Variants in EIPR1 observed in about 807,000 individuals in gnomAD.
EIPR1 encodes the protein EARP and GARP complex-interacting protein 1.
Under a neutral mutation model 48.1 loss-of-function variants are expected in EIPR1, and 25 were observed. That is an observed-to-expected ratio of 0.52 (90% CI 0.38 to 0.73). The LOEUF is 0.73. Ranked by LOEUF, EIPR1 falls within the 30% of genes least tolerant of loss-of-function variation. The pLI is 0.00. For synonymous variants in EIPR1, 204 were observed against 201.9 expected (o/e 1.01, Z -0.09); for missense variants, 415 against 506.2 (o/e 0.82, Z 1.73).
intron 3 of EIPR1, among the ~76,000 whole-genome samples, chr2:3,294,593 C>T (rs369692446): frequency 7.1e-6 from 1 of 139,924 alleles, no homozygotes; most frequent in African/African-American, 2.7e-5. Context: ...ACACATACAC[C>T]CTCCATCCAG....
intron 1 of EIPR1, among the ~76,000 whole-genome samples, chr2:3,375,102 T>A (rs1659827520): frequency 6.6e-6 from 1 of 151,154 alleles, no homozygotes; most frequent in Non-Finnish European, 1.5e-5. Context: ...AAATTGGAAA[T>A]CATCATTCTC....
At chr2:3,254,370 T>C (rs938959032) in intron 4 of EIPR1, among the ~76,000 whole-genome samples, 3 of 152,180 alleles carry the variant, frequency 2.0e-5, no homozygotes, top group African/African-American at 2.4e-5. Flanking sequence ...CAAAAACCTG[T>C]TCATTAATAC....
At chr2:3,369,607 C>A (rs972606919) in intron 1 of EIPR1, among the ~76,000 whole-genome samples, 5 of 152,248 alleles carry the variant, frequency 3.3e-5, no homozygotes, top group African/African-American at 1.2e-4. Flanking sequence ...TCGGAGGGTC[C>A]TATGCCCACG....
chr2:3,297,639 CCA>C (rs1208496550), intron 3 of EIPR1, among the ~76,000 whole-genome samples: 3 of 152,196 alleles, frequency 2.0e-5, no homozygotes, highest in Non-Finnish European at 2.9e-5. Context: ...GCTTTGCAGG[CCA>C]CACAGTCTTT....
chr2:3,233,521 A>T (rs1047838507), intron 4 of EIPR1, among the ~76,000 whole-genome samples: 1 of 152,192 alleles, frequency 6.6e-6, no homozygotes, highest in African/African-American at 2.4e-5. Flanking sequence ...ATTCTCAGGG[A>T]CACTGGATCC....
chr2:3,365,538 G>A (rs1670951564), intron 1 of EIPR1, among the ~76,000 whole-genome samples: 1 of 150,760 alleles, frequency 6.6e-6, no homozygotes, highest in Non-Finnish European at 1.5e-5. Context: ...TCGCAGAGGG[G>A]GATTTGGCAG....
chr2:3,288,986 C>T (rs563650946), intron 3 of EIPR1, among the ~76,000 whole-genome samples: 16 of 152,354 alleles, frequency 1.1e-4, no homozygotes, highest in African/African-American at 3.8e-4. Flanking sequence ...AGTGCCTGCA[C>T]GGCCGTATCT....
At chr2:3,284,659 C>T (rs1344465330) in intron 3 of EIPR1, among the ~76,000 whole-genome samples, 3 of 152,236 alleles carry the variant, frequency 2.0e-5, no homozygotes, top group African/African-American at 7.2e-5. Flanking sequence ...TGAGAAAAGT[C>T]AGGGGCAGAG....
chr2:3,194,679 T>A (rs1396063910), intron 6 of EIPR1, among the ~76,000 whole-genome samples: 1 of 118,440 alleles, frequency 8.4e-6, no homozygotes, highest in African/African-American at 3.5e-5. Flanking sequence ...ACTATATATA[T>A]ACAGAGAGAG....
intron 4 of EIPR1, among the ~76,000 whole-genome samples, chr2:3,217,612 T>C (rs1454810870): frequency 6.6e-6 from 1 of 152,306 alleles, no homozygotes; most frequent in East Asian, 1.9e-4. Context: ...TAGAAAGAGA[T>C]GTTCGTCACA....
At chr2:3,270,028 T>A (rs992241085) in intron 3 of EIPR1, among the ~76,000 whole-genome samples, 1 of 152,182 alleles carries the variant, frequency 6.6e-6, no homozygotes, top group Non-Finnish European at 1.5e-5. Flanking sequence ...TAAGGAGAAA[T>A]CATACCAGGA....
intron 3 of EIPR1, among the ~76,000 whole-genome samples, chr2:3,332,133 C>G (rs1205019807): frequency 6.6e-6 from 1 of 152,132 alleles, no homozygotes; most frequent in Non-Finnish European, 1.5e-5. Flanking sequence ...ACGTGGTGTA[C>G]CCTAATTCAG....
chr2:3,343,915 A>C (rs1286535254), intron 2 of EIPR1, among the ~76,000 whole-genome samples: 1 of 152,178 alleles, frequency 6.6e-6, no homozygotes, highest in Non-Finnish European at 1.5e-5. Context: ...AAAAAACAAA[A>C]AAAGGGCCAG....
intron 3 of EIPR1, among the ~76,000 whole-genome samples, chr2:3,269,560 AGTC>A (rs1425310703): frequency 2.0e-4 from 21 of 106,482 alleles, no homozygotes; most frequent in South Asian, 1.6e-3. Context: ...CATCGCACTC[AGTC>A]ATCGCACTCA....
intron 3 of EIPR1, among the ~76,000 whole-genome samples, chr2:3,297,693 CAGAAATA>C (rs1390978774): frequency 6.6e-6 from 1 of 152,228 alleles, no homozygotes; most frequent in Non-Finnish European, 1.5e-5. Flanking sequence ...ACAGACATTA[CAGAAATA>C]AGCGAGTGTG....
chr2:3,223,662 G>C (rs775543833), intron 4 of EIPR1, among the ~76,000 whole-genome samples: 3 of 152,222 alleles, frequency 2.0e-5, no homozygotes, highest in Admixed American at 6.5e-5. Flanking sequence ...CTTTGCTTGT[G>C]AATCAATTCA....
At chr2:3,342,794 A>C (rs1210137392) in intron 2 of EIPR1, among the ~76,000 whole-genome samples, 2 of 152,200 alleles carry the variant, frequency 1.3e-5, no homozygotes, top group Non-Finnish European at 2.9e-5. Context: ...AATGGTCTTT[A>C]ACCTTCATTG....
At chr2:3,218,424 T>C (rs1665726625) in intron 4 of EIPR1, among the ~76,000 whole-genome samples, 1 of 139,120 alleles carries the variant, frequency 7.2e-6, no homozygotes, top group African/African-American at 2.7e-5. Context: ...TCACAGTGAG[T>C]CAGGTGCACA....
At chr2:3,229,666 G>A (rs954357752) in intron 4 of EIPR1, among the ~76,000 whole-genome samples, 7 of 152,194 alleles carry the variant, frequency 4.6e-5, no homozygotes, top group Admixed American at 3.3e-4. Flanking sequence ...CCATTAAGTG[G>A]CAGGTGTTCA....
Sources: gnomAD v4.1 joint callset for allele counts (sites outside exome capture counted in the v4.1 genomes callset) on GRCh38, gnomAD v4.1.1 for gene constraint, MANE v1.5 for transcripts, NCBI Gene and HGNC (gene_info 2026-07-23, HGNC 2026-07-21) for gene names.